Variants in UNC13C observed in about 807,000 individuals in gnomAD.
The protein encoded by UNC13C is protein unc-13 homolog C.
Under a neutral mutation model 245.4 loss-of-function variants are expected in UNC13C, and 174 were observed. That is an observed-to-expected ratio of 0.71 (90% CI 0.63 to 0.80). The LOEUF (loss-of-function observed/expected upper bound fraction) is 0.80. Ranked by LOEUF, UNC13C falls within the 30% of genes least tolerant of loss-of-function variation. The pLI is 0.00. For missense variants in UNC13C, 2,829 were observed against 2,602.9 expected (o/e 1.09, Z -1.89); for synonymous variants, 992 against 895.1 (o/e 1.11, Z -1.93).
intron 10 of UNC13C, among the ~76,000 whole-genome samples, chr15:54,278,037 C>T (rs2036879202): frequency 1.3e-5 from 2 of 152,038 alleles, no homozygotes; most frequent in African/African-American, 4.8e-5. Context: ...AAGGGATCAG[C>T]GTGGCATGCA....
rs1268921498 is a variant in UNC13C at position 54,623,929 on chromosome 15, C to T, written c.6334C>T (p.Pro2112Ser). The change falls in exon 32 of 33, where the codon CCA (proline) becomes TCA (serine). Residue 2112 changes from proline (P) to serine (S), a missense_variant. Coordinates refer to ENST00000260323, the MANE Select transcript of UNC13C (RefSeq NM_001080534.3). The part of the protein sequence containing the change: ...GTKTKSNTWS[P>S]KYNETFQFIL... ...AAAAACAAAAAGCAACACATGGTCA[C>T]CAAAGTACAATGAAACATTTCAGTT... 1 of 1,613,128 alleles carries T rather than the reference C, an allele frequency of 6.2e-7. No homozygotes were observed. The highest frequency in any genetic ancestry group is 1.1e-5 in the South Asian group (1 of 91,062).
chr15:54,138,184 A>G (rs971110662), intron 2 of UNC13C, among the ~76,000 whole-genome samples: 10 of 152,116 alleles, frequency 6.6e-5, no homozygotes, highest in Non-Finnish European at 8.8e-5. Flanking sequence ...TATGATTTCA[A>G]TGTTTAAATT....
chr15:53,984,610 G>C (rs1269165948), intron 1 of UNC13C, among the ~76,000 whole-genome samples: 1 of 152,026 alleles, frequency 6.6e-6, no homozygotes, highest in Non-Finnish European at 1.5e-5. Context: ...TAATATAAAG[G>C]AAGTTCTCAG....
chr15:54,090,303 A>C (rs1028154837), intron 2 of UNC13C, among the ~76,000 whole-genome samples: 3 of 151,440 alleles, frequency 2.0e-5, no homozygotes, highest in African/African-American at 7.3e-5. Flanking sequence ...TAGAAAACAA[A>C]AAAAAAAAGC....
chr15:54,486,070 G>T (rs1347063811), intron 19 of UNC13C, among the ~76,000 whole-genome samples: 1 of 151,896 alleles, frequency 6.6e-6, no homozygotes, highest in African/African-American at 2.4e-5. Flanking sequence ...CTCCATGATG[G>T]CAGGGACACC....
At chr15:54,348,017 A>G (rs532642584) in intron 17 of UNC13C, among the ~76,000 whole-genome samples, 1 of 152,312 alleles carries the variant, frequency 6.6e-6, no homozygotes, top group South Asian at 2.1e-4. Flanking sequence ...TACTAATTCT[A>G]GAACCAGATT....
intron 2 of UNC13C, among the ~76,000 whole-genome samples, chr15:54,137,931 A>G (rs1339046568): frequency 2.0e-5 from 3 of 151,490 alleles, no homozygotes; most frequent in Non-Finnish European, 4.4e-5. Context: ...TTTATTTGAG[A>G]TCTTTTTTTA....
At chr15:54,183,368 C>T (rs77958511) in intron 4 of UNC13C, among the ~76,000 whole-genome samples, 1 of 150,806 alleles carries the variant, frequency 6.6e-6, no homozygotes, top group East Asian at 1.9e-4. Context: ...TGAATTTAGG[C>T]AAACTAGATG....
intron 19 of UNC13C, among the ~76,000 whole-genome samples, chr15:54,425,465 A>C (rs894147962): frequency 1.7e-4 from 26 of 151,848 alleles, no homozygotes; most frequent in Non-Finnish European, 3.5e-4. Context: ...CACATAAGAA[A>C]AACTTACATG....
At chr15:54,601,183 C>T (rs1293203954) in intron 30 of UNC13C, among the ~76,000 whole-genome samples, 2 of 152,106 alleles carry the variant, frequency 1.3e-5, no homozygotes, top group Non-Finnish European at 2.9e-5. Flanking sequence ...ACATGGCATG[C>T]AATGAATATG....
chr15:53,895,305 C>T, the UNC13C span, among the ~76,000 whole-genome samples: 1 of 134,536 alleles, frequency 7.4e-6, no homozygotes, highest in Admixed American at 8.4e-5. Context: ...CGGAGGTTGC[C>T]ACTGCACTCC....
chr15:54,197,826 G>A (rs1204820929), intron 4 of UNC13C, among the ~76,000 whole-genome samples: 1 of 152,096 alleles, frequency 6.6e-6, no homozygotes, highest in Non-Finnish European at 1.5e-5. Context: ...AGAGTTCACA[G>A]ACCCTCTGAA....
At chr15:54,203,780 A>G in intron 4 of UNC13C, among the ~76,000 whole-genome samples, 2 of 106,806 alleles carry the variant, frequency 1.9e-5, no homozygotes, top group Non-Finnish European at 4.5e-5. Flanking sequence ...ATATACACAC[A>G]CATATAGATA....
chr15:54,063,440 A>G (rs895370414), intron 2 of UNC13C, among the ~76,000 whole-genome samples: 4 of 152,076 alleles, frequency 2.6e-5, no homozygotes, highest in Non-Finnish European at 4.4e-5. Flanking sequence ...GCCAAAGCCA[A>G]TACCAACTGT....
chr15:54,482,866 A>G (rs885204), intron 19 of UNC13C, among the ~76,000 whole-genome samples: 63,154 of 151,996 alleles, frequency 0.42, 13,378 homozygotes, highest in East Asian at 0.62. Context: ...ATAGTTATAC[A>G]TTTTTCACAT....
At chr15:53,954,632 T>A in the UNC13C span, among the ~76,000 whole-genome samples, 1 of 152,198 alleles carries the variant, frequency 6.6e-6, no homozygotes, top group African/African-American at 2.4e-5. Context: ...TTTTGCCGTC[T>A]AATTATAGGC....
intron 1 of UNC13C, among the ~76,000 whole-genome samples, chr15:54,003,087 C>T (rs527538727): frequency 1.3e-5 from 2 of 152,178 alleles, no homozygotes; most frequent in South Asian, 2.1e-4. Flanking sequence ...TTCTGAAGGC[C>T]GCAATTTTTG....
intron 19 of UNC13C, among the ~76,000 whole-genome samples, chr15:54,462,178 C>G (rs145279351): frequency 6.6e-6 from 1 of 152,218 alleles, no homozygotes; most frequent in African/African-American, 2.4e-5. Flanking sequence ...AAAAGAGAGA[C>G]TACAATCATG....
intron 10 of UNC13C, among the ~76,000 whole-genome samples, chr15:54,281,023 C>T (rs1471959425): frequency 6.6e-6 from 1 of 151,906 alleles, no homozygotes; most frequent in Non-Finnish European, 1.5e-5. Flanking sequence ...TTCTCAAACT[C>T]CTGACCTCAA....
Sources: allele counts gnomAD v4.1 joint callset (sites outside exome capture counted in the v4.1 genomes callset), GRCh38; gene constraint gnomAD v4.1.1; transcripts MANE v1.5; gene names NCBI Gene and HGNC (gene_info 2026-07-23, HGNC 2026-07-21).